Variants in SHC3 observed in about 807,000 individuals in gnomAD.
The protein encoded by SHC3 is SHC adaptor protein 3, also known as SHC-transforming protein 3.
Under a neutral mutation model 60.4 loss-of-function variants are expected in SHC3, and 15 were observed. That is an observed-to-expected ratio of 0.25 (90% CI 0.17 to 0.38). The LOEUF is 0.38. SHC3 is among the 10% of genes least tolerant of loss of function. SHC3 has a pLI of 1.00. For missense variants in SHC3, 677 were observed against 786.1 expected (o/e 0.86, Z 1.66); for synonymous variants, 294 against 325.9 (o/e 0.90, Z 1.05).
chr9:89,094,260 G>A (rs1825668054), intron 2 of SHC3, among the ~76,000 whole-genome samples: 1 of 152,152 alleles, frequency 6.6e-6, no homozygotes, highest in African/African-American at 2.4e-5. Flanking sequence ...TTGAAGCTAG[G>A]GAAAAATATG....
chr9:89,025,175 T>C (rs1394589730), intron 11 of SHC3, among the ~76,000 whole-genome samples: 2 of 149,624 alleles, frequency 1.3e-5, no homozygotes, highest in South Asian at 2.1e-4. Context: ...GATTAAAACA[T>C]GAGTTATCCT....
At chr9:89,090,672 G>A (rs1325762140) in intron 2 of SHC3, among the ~76,000 whole-genome samples, 1 of 152,178 alleles carries the variant, frequency 6.6e-6, no homozygotes, top group East Asian at 1.9e-4. Flanking sequence ...CGGATTGGGG[G>A]TGCACCAGGG....
intron 1 of SHC3, among the ~76,000 whole-genome samples, chr9:89,117,717 T>C (rs1826037710): frequency 6.6e-6 from 1 of 152,150 alleles, no homozygotes; most frequent in South Asian, 2.1e-4. Flanking sequence ...TAACCTTAAG[T>C]TCTTACTAAT....
intron 1 of SHC3, among the ~76,000 whole-genome samples, chr9:89,174,083 G>A (rs926703088): frequency 2.0e-5 from 3 of 151,912 alleles, no homozygotes; most frequent in Admixed American, 2.0e-4. Flanking sequence ...TTTGCTCACA[G>A]TTACCAAAAG....
At chr9:89,130,941 A>T (rs915842157) in intron 1 of SHC3, among the ~76,000 whole-genome samples, 2 of 152,120 alleles carry the variant, frequency 1.3e-5, no homozygotes, top group African/African-American at 4.8e-5. Flanking sequence ...GACATAAAAA[A>T]CCCTTCAAAA....
At chr9:89,177,600 G>A (rs1039142197) in intron 1 of SHC3, among the ~76,000 whole-genome samples, 1 of 152,150 alleles carries the variant, frequency 6.6e-6, no homozygotes, top group African/African-American at 2.4e-5. Context: ...CTCTCCTCCC[G>A]GGGGCTGCCC....
chr9:89,164,290 G>A (rs1257552466), intron 1 of SHC3, among the ~76,000 whole-genome samples: 2 of 152,114 alleles, frequency 1.3e-5, no homozygotes, highest in South Asian at 4.1e-4. Context: ...CCTGAGCAGA[G>A]GGCACCAGCT....
In SHC3 at chr9:89,006,488, G is replaced by A. The variant is rs1032846610; in HGVS notation, c.*6959C>T. 2 of 152,216 alleles carry A rather than the reference G, an allele frequency of 1.3e-5. No individual in the cohort carries two copies. The highest frequency in any genetic ancestry group is 2.9e-5 in the Non-Finnish European group (2 of 68,052). 9.4% of individuals were successfully genotyped at this position (152,216 alleles called of 1,614,324 possible). The stretch of plus-strand genomic sequence containing the variant: ...CTGTTCCAGCACAAAGTAGAAAGTG[G>A]TGAATTGGCAATACGCCAAGACATA... On this transcript the variant is annotated 3_prime_UTR_variant, in exon 12 of 12. Transcript: ENST00000375835.
chr9:89,014,238 A>G (rs752138099), intron 11 of SHC3, among the ~76,000 whole-genome samples: 3 of 152,120 alleles, frequency 2.0e-5, no homozygotes, highest in Non-Finnish European at 4.4e-5. Context: ...TTTTAATGCC[A>G]TGTCAGGGGA....
Position 89,052,108 on chromosome 9 carries a change from G to A in SHC3, c.891C>T (p.Ile297=), listed in dbSNP as rs759425983. Residue 297 remains isoleucine, a synonymous_variant, in exon 7 of 12, where the codon ATC becomes ATT. Transcript: ENST00000375835. Reference sequence around the variant, plus strand: ...TAAACCGGAGCTCAAAGGCTTGTCCGATGGAGCCGATGACATCCTGGGCCA... The same window carrying A: ...TAAACCGGAGCTCAAAGGCTTGTCCAATGGAGCCGATGACATCCTGGGCCA... ...DGLAQDVIGS[I]GQAFELRFKQ... 110 of 1,613,998 alleles carry A rather than the reference G, an allele frequency of 6.8e-5. No individual in the cohort carries two copies. The highest frequency in any genetic ancestry group is 8.6e-5 in the Non-Finnish European group (101 of 1,179,990).
rs1184540184 is a variant in SHC3 at position 89,012,785 on chromosome 9, C to G, written c.*662G>C. On this transcript the variant is annotated 3_prime_UTR_variant, in exon 12 of 12. Coordinates refer to ENST00000375835, the MANE Select transcript of SHC3 (RefSeq NM_016848.6). ...TGGCGGGGCCCTGTGCTCAGCAGGA[C>G]CCGGAGAAGCTGGAGTGCCACCTGT... is the stretch of plus-strand genomic sequence containing the variant. The G allele has an allele frequency of 1.3e-5, 2 of 152,182 alleles. No homozygotes were observed. The highest frequency in any genetic ancestry group is 4.8e-5 in the African/African-American group (2 of 41,444). 9.4% of individuals were successfully genotyped at this position (152,182 alleles called of 1,614,324 possible).
At chr9:89,146,358 AAAAAC>A (rs138798807) in intron 1 of SHC3, among the ~76,000 whole-genome samples, 16,082 of 151,216 alleles carry the variant, frequency 0.11, 971 homozygotes, top group Admixed American at 0.15. Context: ...CTTTGTCTCC[AAAAAC>A]AAAACAAAAC....
At chr9:89,018,919 C>T (rs1276006896) in intron 11 of SHC3, among the ~76,000 whole-genome samples, 4 of 151,440 alleles carry the variant, frequency 2.6e-5, no homozygotes, top group East Asian at 1.9e-4. Context: ...ATTAGCCGGA[C>T]GTCATGGTGG....
rs1386726125 is a variant in SHC3 at position 89,083,842 on chromosome 9, T to TGGG, written c.546-5940_546-5939insCCC. ...CCATGTCTGAGAGCTGGATTTGCAG[T>TGGG]AGGGACAGAGCTGGGAGGCTGCCAG... On this transcript the variant is annotated intron_variant, in intron 2 of 11. Coordinates refer to ENST00000375835, the MANE Select transcript of SHC3 (RefSeq NM_016848.6). Among the ~76,000 whole-genome samples the TGGG allele has an allele frequency of 1.2e-4, 19 of 152,122 alleles. No homozygotes were observed. The East Asian group carries it at 3.7e-3, about 29-fold the overall frequency.
intron 1 of SHC3, among the ~76,000 whole-genome samples, chr9:89,175,926 G>T (rs1826936267): frequency 6.6e-6 from 1 of 152,172 alleles, no homozygotes; most frequent in East Asian, 1.9e-4. Context: ...CCAACAGAGG[G>T]CCATGTGATA....
At chr9:89,046,703 A>C in intron 8 of SHC3, 141 bp downstream of exon 8, 2 of 1,026,602 alleles carry the variant, frequency 1.9e-6, no homozygotes, top group Non-Finnish European at 2.7e-6. Flanking sequence ...TGCCTCATGA[A>C]ATCCAGTGAG....
chr9:89,169,481 A>C (rs1328012137), intron 1 of SHC3, among the ~76,000 whole-genome samples: 1 of 152,180 alleles, frequency 6.6e-6, no homozygotes, highest in African/African-American at 2.4e-5. Flanking sequence ...CTAGAGCTCC[A>C]CTAACACATT....
intron 1 of SHC3, among the ~76,000 whole-genome samples, chr9:89,169,605 G>A (rs540134404): frequency 6.8e-4 from 104 of 151,932 alleles, no homozygotes; most frequent in Non-Finnish European, 1.2e-3. Context: ...GCCACTGCTT[G>A]ACCCACACCA....
intron 6 of SHC3, among the ~76,000 whole-genome samples, chr9:89,059,812 G>GT (rs1825049815): frequency 1.3e-5 from 1 of 78,548 alleles, no homozygotes; most frequent in African/African-American, 5.1e-5. Flanking sequence ...GGATGGTGGT[G>GT]TAGGACAGTG....
Sources: gnomAD v4.1 joint callset for allele counts (sites outside exome capture counted in the v4.1 genomes callset) on GRCh38, gnomAD v4.1.1 for gene constraint, MANE v1.5 for transcripts, NCBI Gene and HGNC (gene_info 2026-07-23, HGNC 2026-07-21) for gene names.